The following DCC variants were observed in gnomAD, a reference collection of about 807,000 sequenced individuals.
DCC encodes DCC netrin 1 receptor.
DCC carries 58 observed loss-of-function variants against 172.5 expected under a neutral mutation model. That is an observed-to-expected ratio of 0.34 (90% CI 0.27 to 0.42). DCC has a LOEUF of 0.42. Ranked by LOEUF, DCC falls within the 10% of genes least tolerant of loss-of-function variation. The pLI, the probability that DCC is intolerant of heterozygous loss-of-function variation, is 1.00. For missense variants in DCC, 1,740 were observed against 1,791.0 expected (o/e 0.97, Z 0.51); for synonymous variants, 709 against 644.5 (o/e 1.10, Z -1.52).
intron 21 of DCC, among the ~76,000 whole-genome samples, chr18:53,427,690 G>A (rs1014232381): frequency 6.7e-6 from 1 of 149,850 alleles, no homozygotes; most frequent in Non-Finnish European, 1.5e-5. Flanking sequence ...CAGCTCCTTT[G>A]GTTCCCTAAT....
At chr18:53,043,481 CAA>C (rs1282249382) in intron 5 of DCC, among the ~76,000 whole-genome samples, 1 of 151,734 alleles carries the variant, frequency 6.6e-6, no homozygotes, top group East Asian at 1.9e-4. Flanking sequence ...TAATTAAAAA[CAA>C]GAGGACCAGG....
chr18:52,965,530 T>C (rs552237093), intron 5 of DCC, among the ~76,000 whole-genome samples: 2 of 152,316 alleles, frequency 1.3e-5, no homozygotes, highest in Admixed American at 6.5e-5. Flanking sequence ...CAAATGTGAA[T>C]TCCAAAAATA....
At chr18:53,482,149 T>A (rs1350611001) in intron 25 of DCC, among the ~76,000 whole-genome samples, 1 of 152,142 alleles carries the variant, frequency 6.6e-6, no homozygotes, top group Non-Finnish European at 1.5e-5. Flanking sequence ...TAATACCTAA[T>A]GTTTTATCCA....
intron 25 of DCC, among the ~76,000 whole-genome samples, chr18:53,479,172 C>A (rs929010848): frequency 1.3e-5 from 2 of 152,214 alleles, no homozygotes; most frequent in African/African-American, 4.8e-5. Flanking sequence ...GTTCAAAGCA[C>A]ACTTAAATTT....
chr18:52,584,805 G>A (rs188042265), intron 1 of DCC, among the ~76,000 whole-genome samples: 116 of 151,634 alleles, frequency 7.6e-4, no homozygotes, highest in Non-Finnish European at 2.8e-4. Flanking sequence ...TTTCCAAAGT[G>A]TTAGGATTAC....
chr18:52,831,623 T>A (rs947988153), intron 2 of DCC, among the ~76,000 whole-genome samples: 1 of 151,666 alleles, frequency 6.6e-6, no homozygotes, highest in Non-Finnish European at 1.5e-5. Flanking sequence ...TGACAAGATT[T>A]TGGGGCCTGA....
intron 15 of DCC, among the ~76,000 whole-genome samples, chr18:53,353,313 A>C (rs1458660864): frequency 6.6e-6 from 1 of 151,884 alleles, no homozygotes; most frequent in Non-Finnish European, 1.5e-5. Flanking sequence ...AAAATATAGG[A>C]GCCAATTCTA....
At position 53,179,079 on chromosome 18, in the gene DCC, G is replaced by A; in HGVS notation, c.1536G>A (p.Glu512=). 2.5e-6 allele frequency: 4 copies of A among 1,613,966 alleles called. No homozygotes were observed. Among genetic ancestry groups the A allele is most frequent in the Non-Finnish European group, 3.4e-6 (4 of 1,179,924 alleles). The stretch of plus-strand genomic sequence containing the variant: ...CTTACAATGAATGGGGACCGGGAGA[G>A]AGTTCTCAACCCATCAAGGTGGCCA... ...VVAYNEWGPG[E]SSQPIKVATQ... is the part of the protein sequence containing the mutation. The change falls in exon 9 of 29, where the codon GAG becomes GAA. Residue 512 remains glutamate, a synonymous_variant. Coordinates refer to ENST00000442544, the MANE Select transcript of DCC (RefSeq NM_005215.4).
intron 19 of DCC, among the ~76,000 whole-genome samples, chr18:53,407,082 G>A (rs1448238409): frequency 1.3e-5 from 2 of 152,096 alleles, no homozygotes; most frequent in Non-Finnish European, 2.9e-5. Context: ...AAATGCTTAA[G>A]TGAATAATTT....
At chr18:52,590,500 G>A (rs1368524902) in intron 1 of DCC, among the ~76,000 whole-genome samples, 1 of 152,194 alleles carries the variant, frequency 6.6e-6, no homozygotes, top group Non-Finnish European at 1.5e-5. Flanking sequence ...ATCGTAATTT[G>A]ACACTTTAGG....
At chr18:52,993,204 T>A (rs2041424136) in intron 5 of DCC, among the ~76,000 whole-genome samples, 1 of 152,114 alleles carries the variant, frequency 6.6e-6, no homozygotes, top group Non-Finnish European at 1.5e-5. Context: ...TGTTGAAAAG[T>A]GGCTGCAAGG....
At chr18:52,825,100 C>G (rs1242969437) in intron 2 of DCC, among the ~76,000 whole-genome samples, 2 of 152,168 alleles carry the variant, frequency 1.3e-5, no homozygotes, top group African/African-American at 4.8e-5. Flanking sequence ...ACACCAAGCT[C>G]TCTGTCTCCA....
At chr18:53,344,895 A>T (rs554637989) in intron 15 of DCC, among the ~76,000 whole-genome samples, 1 of 151,064 alleles carries the variant, frequency 6.6e-6, no homozygotes, top group Non-Finnish European at 1.5e-5. Flanking sequence ...GGAAAAAAAA[A>T]AAAAAGGAAA....
Position 52,645,569 on chromosome 18 carries a change from T to C in DCC, c.92-106485T>C, listed in dbSNP as rs117444966. On this transcript the variant is annotated intron_variant, in intron 1 of 28. Coordinates refer to ENST00000442544, the MANE Select transcript of DCC (RefSeq NM_005215.4). ...GGAGTAAAAGCTTGTCCTCAAGAGATAACATTTTTACCTGGCATCATTTCA... is the reference window on the plus strand; with the variant it reads ...GGAGTAAAAGCTTGTCCTCAAGAGACAACATTTTTACCTGGCATCATTTCA... Among the ~76,000 whole-genome samples, 358 of 152,302 alleles carry C rather than the reference T, an allele frequency of 2.4e-3. 3 individuals carry two copies. The highest frequency in any genetic ancestry group is 0.02 in the Middle Eastern group (6 of 294).
chr18:52,831,770 A>G (rs1313650732), intron 2 of DCC, among the ~76,000 whole-genome samples: 3 of 152,130 alleles, frequency 2.0e-5, no homozygotes, highest in African/African-American at 4.8e-5. Flanking sequence ...TTGGCAGATA[A>G]TATACAAATG....
intron 12 of DCC, among the ~76,000 whole-genome samples, chr18:53,257,801 T>C (rs1426647299): frequency 1.3e-5 from 2 of 152,326 alleles, no homozygotes; most frequent in Non-Finnish European, 2.9e-5. Flanking sequence ...AGCTCCTCCT[T>C]GTACCTCTGG....
At chr18:53,526,783 G>C (rs920984213) in intron 28 of DCC, 24 bp downstream of exon 28, 1 of 1,612,874 alleles carries the variant, frequency 6.2e-7, no homozygotes. Flanking sequence ...TAAAATTCAT[G>C]CTTCATCAAG....
intron 5 of DCC, among the ~76,000 whole-genome samples, chr18:52,927,168 T>TATATATGTATATATAC (rs1555682869): frequency 1.2e-5 from 1 of 82,452 alleles, no homozygotes; most frequent in African/African-American, 4.7e-5. Context: ...CGTATATATG[T>TATATATGTATATATAC]GTATATATGT....
intron 1 of DCC, among the ~76,000 whole-genome samples, chr18:52,686,427 A>T (rs2035836354): frequency 6.6e-6 from 1 of 152,104 alleles, no homozygotes; most frequent in Non-Finnish European, 1.5e-5. Flanking sequence ...GGCACTGCTC[A>T]ATTTCCCTTT....
Sources: gnomAD v4.1 joint callset for allele counts (sites outside exome capture counted in the v4.1 genomes callset) on GRCh38, gnomAD v4.1.1 for gene constraint, MANE v1.5 for transcripts, NCBI Gene and HGNC (gene_info 2026-07-23, HGNC 2026-07-21) for gene names.